The following LAMA2 variants were observed in gnomAD, a reference collection of about 807,000 sequenced individuals.
The protein encoded by LAMA2 is laminin subunit alpha-2.
LAMA2 carries 269 observed loss-of-function variants against 364.8 expected under a neutral mutation model. The ratio of observed to expected loss-of-function variants is 0.74; its 90% CI spans 0.67 to 0.82. The LOEUF is 0.82. LAMA2 is among the 40% of genes least tolerant of loss of function. The probability of loss-of-function intolerance (pLI) is 0.00; values close to 1 mark genes in which losing one functional copy is unlikely to be tolerated. For synonymous variants in LAMA2, 1,379 were observed against 1,370.6 expected (o/e 1.01, Z -0.14); for missense variants, 3,807 against 3,873.2 (o/e 0.98, Z 0.45).
chr6:129,177,582 GAT>G, intron 9 of LAMA2, 122 bp from the exon 10 acceptor site: 2 of 936,036 alleles, frequency 2.1e-6, no homozygotes, highest in Non-Finnish European at 3.3e-6. Context: ...TTTCTTTATT[GAT>G]ATATATAAAA....
chr6:129,382,051 G>A (rs918882001), intron 34 of LAMA2, among the ~76,000 whole-genome samples: 18 of 152,102 alleles, frequency 1.2e-4, no homozygotes, highest in South Asian at 2.1e-4. Flanking sequence ...ATCCACTTAC[G>A]TATATTTTAA....
intron 30 of LAMA2, 58 bp downstream of exon 30, chr6:129,342,525 T>C (rs1776326457): frequency 2.6e-6 from 4 of 1,561,510 alleles, no homozygotes; most frequent in Non-Finnish European, 3.5e-6. Flanking sequence ...GTCTAGCACA[T>C]GGGCTGTCTA....
At chr6:129,349,820 G>A (rs529217732) in intron 31 of LAMA2, among the ~76,000 whole-genome samples, 2 of 152,006 alleles carry the variant, frequency 1.3e-5, no homozygotes, top group South Asian at 2.1e-4. Flanking sequence ...GACTACACCA[G>A]CAAGTGTATA....
chr6:129,403,722 G>T, intron 39 of LAMA2, 99 bp from the exon 40 acceptor site: 1 of 1,064,162 alleles, frequency 9.4e-7, no homozygotes, highest in Non-Finnish European at 1.4e-6. Flanking sequence ...AGATATATTG[G>T]CCATGATCAT....
chr6:129,267,889 G>A (rs1453373319), intron 16 of LAMA2, among the ~76,000 whole-genome samples: 4 of 152,012 alleles, frequency 2.6e-5, no homozygotes. Context: ...TAACTCAAGG[G>A]CACATTAGTT....
intron 4 of LAMA2, among the ~76,000 whole-genome samples, chr6:129,099,367 C>A (rs1292884088): frequency 1.3e-5 from 2 of 151,840 alleles, no homozygotes; most frequent in Non-Finnish European, 2.9e-5. Flanking sequence ...ACCATTACTA[C>A]TATTATTTTT....
intron 62 of LAMA2, among the ~76,000 whole-genome samples, chr6:129,510,029 G>C (rs556427364): frequency 6.6e-6 from 1 of 152,030 alleles, no homozygotes; most frequent in Admixed American, 6.6e-5. Flanking sequence ...TTGTTTTATA[G>C]TTTTTATTGT....
chr6:129,145,582 T>C (rs1778385528), intron 5 of LAMA2, among the ~76,000 whole-genome samples: 1 of 151,824 alleles, frequency 6.6e-6, no homozygotes, highest in African/African-American at 2.4e-5. Context: ...AGAAAAAAAA[T>C]CAATGAAAAT....
At chr6:129,216,217 T>G (rs1583270188) in intron 12 of LAMA2, among the ~76,000 whole-genome samples, 1 of 152,340 alleles carries the variant, frequency 6.6e-6, no homozygotes, top group East Asian at 1.9e-4. Flanking sequence ...GAAACTTTAT[T>G]GTTTATATTT....
In LAMA2 at chr6:129,252,065, C is replaced by T. The variant is rs372219177; in HGVS notation, c.1885-19C>T. 11 of 1,567,944 alleles carry T rather than the reference C, an allele frequency of 7.0e-6. No individual in the cohort carries two copies. The highest frequency in any genetic ancestry group is 9.6e-6 in the Non-Finnish European group (11 of 1,140,112). On this transcript the variant is annotated intron_variant, in intron 13 of 64. Coordinates refer to ENST00000421865, the MANE Select transcript of LAMA2 (RefSeq NM_000426.4). ...TTTTCAGTTTTACTCTTTTTTATTT[C>T]TTTTTTTTCCCCCTTTAGGGTAATG...
intron 1 of LAMA2, among the ~76,000 whole-genome samples, chr6:129,049,596 C>A (rs911148921): frequency 6.6e-6 from 1 of 151,764 alleles, no homozygotes; most frequent in Non-Finnish European, 1.5e-5. Flanking sequence ...TTAGTGGGAT[C>A]TTTTACCAAT....
intron 1 of LAMA2, among the ~76,000 whole-genome samples, chr6:128,923,463 C>T (rs1248650148): frequency 6.6e-6 from 1 of 151,986 alleles, no homozygotes; most frequent in Non-Finnish European, 1.5e-5. Context: ...TTTAGAATGT[C>T]TGTTGTTTTA....
At chr6:129,270,801 G>C in intron 17 of LAMA2, 50 bp downstream of exon 17, 1 of 1,586,276 alleles carries the variant, frequency 6.3e-7, no homozygotes, top group Non-Finnish European at 8.7e-7. Context: ...ATTTCTGCAA[G>C]TACACTTTTC....
intron 12 of LAMA2, among the ~76,000 whole-genome samples, chr6:129,230,614 T>G (rs6933843): frequency 0.13 from 20,242 of 151,968 alleles, 3,362 homozygotes; most frequent in African/African-American, 0.39. Context: ...TGAAAAAGTA[T>G]CCAGGAACAT....
chr6:129,263,605 G>C (rs1318750216), intron 15 of LAMA2, among the ~76,000 whole-genome samples: 2 of 151,922 alleles, frequency 1.3e-5, no homozygotes, highest in African/African-American at 4.8e-5. Context: ...AGAAGTGATT[G>C]GAAAAGCAAG....
chr6:129,152,190 A>G (rs1279086795), intron 7 of LAMA2, among the ~76,000 whole-genome samples: 1 of 152,246 alleles, frequency 6.6e-6, no homozygotes, highest in Non-Finnish European at 1.5e-5. Flanking sequence ...AATGACACTC[A>G]TAATGAAGGA....
At position 129,250,551 on chromosome 6, in the gene LAMA2, CAGAT is replaced by C. The variant is rs1786103705; in HGVS notation, c.1884+343_1884+346del. Among the ~76,000 whole-genome samples, 3 of 151,988 alleles carry C rather than the reference CAGAT, an allele frequency of 2.0e-5. No homozygotes were observed. In the South Asian group the frequency reaches 6.2e-4, roughly 32 times the overall value. ...TGTTTTTCCTGTTTTCTCTTGCTTCCAGATAGATTTTATTGTCTACTCCCTTGTT... is the reference window on the plus strand; with the variant it reads ...TGTTTTTCCTGTTTTCTCTTGCTTCCAGATTTTATTGTCTACTCCCTTGTT... On this transcript the variant is annotated intron_variant, in intron 13 of 64. Transcript: ENST00000421865.
Position 129,452,504 on chromosome 6 carries a change from C to T in LAMA2, c.6430-484C>T, listed in dbSNP as rs192016378. On this transcript the variant is annotated intron_variant, in intron 45 of 64. Transcript: ENST00000421865. Reference sequence around the variant, plus strand: ...ACATCTAGAACAAAATCTATTTGTCCTCTTTCAACTGTAAGAGTATAGGAG... The same window carrying T: ...ACATCTAGAACAAAATCTATTTGTCTTCTTTCAACTGTAAGAGTATAGGAG... 3.7e-3 allele frequency among the ~76,000 whole-genome samples: 564 copies of T among 152,080 alleles called. 2 individuals carry two copies. The highest frequency in any genetic ancestry group is 5.6e-3 in the Admixed American group (85 of 15,272).
chr6:129,228,696 G>T (rs923016058), intron 12 of LAMA2, among the ~76,000 whole-genome samples: 4 of 152,102 alleles, frequency 2.6e-5, no homozygotes, highest in Non-Finnish European at 5.9e-5. Flanking sequence ...AAACTCTAAA[G>T]ACTCCTGTTC....
Sources: allele counts gnomAD v4.1 joint callset (sites outside exome capture counted in the v4.1 genomes callset), GRCh38; gene constraint gnomAD v4.1.1; transcripts MANE v1.5; gene names NCBI Gene and HGNC (gene_info 2026-07-23, HGNC 2026-07-21).